The following ZNF385B variants were observed in gnomAD, a reference collection of about 807,000 sequenced individuals.
The protein encoded by ZNF385B is zinc finger protein 533.
ZNF385B carries 23 observed loss-of-function variants against 39.2 expected under a neutral mutation model. The observed-to-expected ratio is 0.59, with a 90% CI of 0.42 to 0.83. The LOEUF (loss-of-function observed/expected upper bound fraction) is 0.83. Among genes scored for constraint, ZNF385B ranks in the 40% least tolerant of loss-of-function variants. The pLI is 0.00. For missense variants in ZNF385B, 552 were observed against 598.9 expected (o/e 0.92, Z 0.82); for synonymous variants, 205 against 222.6 (o/e 0.92, Z 0.70).
At chr2:179,459,228 G>A (rs2051029014) in intron 6 of ZNF385B, among the ~76,000 whole-genome samples, 1 of 152,046 alleles carries the variant, frequency 6.6e-6, no homozygotes, top group Non-Finnish European at 1.5e-5. Flanking sequence ...GATAATGTAT[G>A]TCTTGGTTTA....
intron 1 of ZNF385B, among the ~76,000 whole-genome samples, chr2:179,860,677 C>T (rs1684975406): frequency 6.6e-6 from 1 of 152,148 alleles, no homozygotes; most frequent in Non-Finnish European, 1.5e-5. Context: ...GGTCCCCTAA[C>T]TACCCATTTC....
At chr2:179,583,958 C>G (rs927313686) in intron 3 of ZNF385B, 2 of 1,303,654 alleles carry the variant, frequency 1.5e-6, no homozygotes, top group African/African-American at 3.0e-5. Context: ...CCACTCAGTT[C>G]ATACATTCAT....
chr2:179,794,105 T>C (rs12464449), intron 1 of ZNF385B, among the ~76,000 whole-genome samples: 8,755 of 152,284 alleles, frequency 0.057, 528 homozygotes, highest in Admixed American at 0.18. Flanking sequence ...GACTGCCTTC[T>C]ATATTTGATC....
chr2:179,727,221 A>G (rs1043756392), intron 3 of ZNF385B, among the ~76,000 whole-genome samples: 1 of 152,086 alleles, frequency 6.6e-6, no homozygotes, highest in Non-Finnish European at 1.5e-5. Flanking sequence ...TATTATTTTT[A>G]TAAACTTAAA....
At chr2:179,464,388 A>G (rs1426929229) in intron 6 of ZNF385B, among the ~76,000 whole-genome samples, 4 of 152,120 alleles carry the variant, frequency 2.6e-5, no homozygotes, top group Admixed American at 2.6e-4. Flanking sequence ...TTTTGTTGCC[A>G]TTGCTTTCGG....
intron 4 of ZNF385B, among the ~76,000 whole-genome samples, chr2:179,530,718 A>G (rs1165599973): frequency 2.0e-5 from 3 of 152,198 alleles, no homozygotes; most frequent in Non-Finnish European, 2.9e-5. Flanking sequence ...ATATTTCTTC[A>G]TTTTGCAAAG....
intron 6 of ZNF385B, among the ~76,000 whole-genome samples, chr2:179,458,871 T>C (rs2050992084): frequency 6.6e-6 from 1 of 152,202 alleles, no homozygotes; most frequent in Non-Finnish European, 1.5e-5. Context: ...AGTCACCTCT[T>C]GGAGATTTAC....
chr2:179,848,412 A>G (rs1056681249), intron 1 of ZNF385B, among the ~76,000 whole-genome samples: 3 of 152,236 alleles, frequency 2.0e-5, no homozygotes, highest in Non-Finnish European at 4.4e-5. Flanking sequence ...AGCAGAGACA[A>G]CACACTTAAA....
intron 3 of ZNF385B, among the ~76,000 whole-genome samples, chr2:179,712,525 T>G (rs1425530457): frequency 6.6e-6 from 1 of 152,196 alleles, no homozygotes; most frequent in Non-Finnish European, 1.5e-5. Flanking sequence ...GCTCTGTTGC[T>G]TTTGTTTCTC....
intron 4 of ZNF385B, among the ~76,000 whole-genome samples, chr2:179,534,528 C>T (rs1156393065): frequency 2.6e-5 from 4 of 152,086 alleles, no homozygotes; most frequent in African/African-American, 7.2e-5. Context: ...CTCAATTCCT[C>T]ATAAATATAA....
chr2:179,464,939 C>T (rs145966392), intron 6 of ZNF385B, among the ~76,000 whole-genome samples: 17 of 152,182 alleles, frequency 1.1e-4, no homozygotes, highest in African/African-American at 3.1e-4. Context: ...AAAAGTCACT[C>T]CTTAACTCAG....
chr2:179,560,103 T>A (rs1445859397), intron 3 of ZNF385B, among the ~76,000 whole-genome samples: 1 of 152,194 alleles, frequency 6.6e-6, no homozygotes, highest in East Asian at 1.9e-4. Context: ...ATCTTCTTTT[T>A]AAAATCTGAA....
intron 3 of ZNF385B, among the ~76,000 whole-genome samples, chr2:179,579,926 T>C (rs950015214): frequency 1.3e-5 from 2 of 152,190 alleles, no homozygotes; most frequent in Non-Finnish European, 2.9e-5. Flanking sequence ...CACTTACTGT[T>C]AATAAGTGAC....
At chr2:179,635,700 C>T (rs1315082722) in intron 3 of ZNF385B, among the ~76,000 whole-genome samples, 2 of 151,898 alleles carry the variant, frequency 1.3e-5, no homozygotes, top group Admixed American at 6.6e-5. Context: ...AATGTATTGC[C>T]TGCTATACTT....
chr2:179,631,587 T>A (rs116335857), intron 3 of ZNF385B, among the ~76,000 whole-genome samples: 8 of 152,164 alleles, frequency 5.3e-5, no homozygotes, highest in Admixed American at 2.0e-4. Context: ...TAAAGACCCA[T>A]TGATGCTATG....
At chr2:179,844,786 T>C (rs1314176752) in intron 1 of ZNF385B, among the ~76,000 whole-genome samples, 1 of 152,184 alleles carries the variant, frequency 6.6e-6, no homozygotes, top group Non-Finnish European at 1.5e-5. Flanking sequence ...CAACACTACT[T>C]ATATCAAGCT....
chr2:179,855,996 T>C (rs1684565313), intron 1 of ZNF385B, among the ~76,000 whole-genome samples: 1 of 152,142 alleles, frequency 6.6e-6, no homozygotes, highest in Non-Finnish European at 1.5e-5. Flanking sequence ...CGCACTACAC[T>C]GCCTTTACAG....
intron 6 of ZNF385B, among the ~76,000 whole-genome samples, chr2:179,454,512 A>AC (rs1008556555): frequency 2.0e-5 from 3 of 151,978 alleles, no homozygotes; most frequent in African/African-American, 7.3e-5. Context: ...CCATTTATAA[A>AC]AAAATTAAAG....
intron 3 of ZNF385B, among the ~76,000 whole-genome samples, chr2:179,735,957 C>T (rs2106439359): frequency 1.3e-5 from 2 of 149,928 alleles, no homozygotes; most frequent in South Asian, 2.1e-4. Flanking sequence ...GGGTGCAGTG[C>T]ACCAGCATGG....
Sources: gnomAD v4.1 joint callset for allele counts (sites outside exome capture counted in the v4.1 genomes callset) on GRCh38, gnomAD v4.1.1 for gene constraint, MANE v1.5 for transcripts, NCBI Gene and HGNC (gene_info 2026-07-23, HGNC 2026-07-21) for gene names.